KIR3DL3: variants seen among roughly 807,000 people sequenced by gnomAD.
KIR3DL3 encodes the protein killer cell immunoglobulin-like receptor 3DL3.
KIR3DL3 carries 27 observed loss-of-function variants against 34.9 expected under a neutral mutation model. The ratio of observed to expected loss-of-function variants is 0.77; its 90% CI spans 0.57 to 1.07. KIR3DL3 has a LOEUF of 1.07. Ranked by LOEUF, KIR3DL3 falls within the 50% of genes least tolerant of loss-of-function variation. The probability of loss-of-function intolerance (pLI) is 0.00; values close to 1 mark genes in which losing one functional copy is unlikely to be tolerated. For synonymous variants in KIR3DL3, 217 were observed against 200.2 expected, an observed-to-expected ratio of 1.08 and a Z score of -0.71; for missense variants, 681 against 528.5, an observed-to-expected ratio of 1.29 and a Z score of -2.83.
intron 4 of KIR3DL3, 113 bp from the exon 5 acceptor site, chr19:54,729,380 G>C (rs1481662733): frequency 2.5e-6 from 3 of 1,182,576 alleles, no homozygotes; most frequent in African/African-American, 1.5e-5. Flanking sequence ...GAGGGTGAGA[G>C]AGAGAAAGAG....
chr19:54,735,796 T>C, intron 6 of KIR3DL3, 24 bp from the exon 7 acceptor site: 1 of 1,607,348 alleles, frequency 6.2e-7, no homozygotes, highest in Non-Finnish European at 8.5e-7. Flanking sequence ...TCCGAGCTGT[T>C]TTGACGACTT....
intron 1 of KIR3DL3, 51 bp downstream of exon 1, chr19:54,724,581 GCCTGGA>G: frequency 3.6e-6 from 3 of 833,310 alleles, no homozygotes; most frequent in Non-Finnish European, 3.3e-6. Flanking sequence ...GGAGATCTGG[GCCTGGA>G]GTGGAGATCT....
chr19:54,730,830 C>G (rs2068712849), intron 5 of KIR3DL3, among the ~76,000 whole-genome samples: 1 of 152,156 alleles, frequency 6.6e-6, no homozygotes, highest in South Asian at 2.1e-4. Context: ...TCCATTCACC[C>G]ACTGATGGGC....
At position 54,726,436 on chromosome 19, in the gene KIR3DL3, C is replaced by T. The variant is rs545486946; in HGVS notation, c.355+99C>T. 11 of 1,440,554 alleles carry T rather than the reference C, an allele frequency of 7.6e-6. No homozygotes were observed. In the East Asian group the frequency reaches 2.3e-4, roughly 30 times the overall value. 89.2% of individuals were successfully genotyped at this position (1,440,554 alleles called of 1,614,324 possible). A position where few individuals can be genotyped will look rare whatever the true frequency, so the allele number is the denominator to read the frequency against. ...CAGGGTCCAATCATCCAGGCCCCGA[C>T]TGTATTTGGGGTAAAGGGGGATTCA... is the stretch of plus-strand genomic sequence containing the variant. On this transcript the variant is annotated intron_variant, in intron 3 of 7. Transcript: ENST00000291860.
chr19:54,734,832 A>G (rs981389101), intron 5 of KIR3DL3, among the ~76,000 whole-genome samples: 3 of 136,704 alleles, frequency 2.2e-5, no homozygotes, highest in African/African-American at 8.3e-5. Flanking sequence ...ACACGGCAAG[A>G]GAGGGACCAA....
At chr19:54,735,554 G>A (rs11882698) in intron 6 of KIR3DL3, among the ~76,000 whole-genome samples, 197 bp downstream of exon 6, 13,929 of 101,968 alleles carry the variant, frequency 0.14, 1,387 homozygotes, top group Middle Eastern at 0.24. Context: ...ATTCTGAACC[G>A]TATCCTCACA....
Position 54,735,337 on chromosome 19 carries a change from G to C in KIR3DL3, c.1034G>C (p.Arg345Pro). The C allele has an allele frequency of 7.0e-7, 1 of 1,428,074 alleles. No individual in the cohort carries two copies. The highest frequency in any genetic ancestry group is 1.5e-5 in the African/African-American group (1 of 68,798). The allele number at this position is 1,428,074 out of a possible 1,614,324, so 88.5% of individuals were successfully genotyped here. ...ATCCTCCTCTTCTTTCTCCTTCATC[G>C]CTGGTGTGCCAACAAAAAGAGTAAG... ...FAILLFFLLH[R>P]WCANKKNAVV... Residue 345 changes from arginine to proline, a missense_variant, in exon 6 of 8, where the codon CGC (arginine) becomes CCC (proline). Transcript: ENST00000291860.
In KIR3DL3 at chr19:54,729,952, C is replaced by A. The variant is rs2068630568; in HGVS notation, c.949+166C>A. ...GGATGGCAGACAGGGCACCTCCAAA[C>A]CCTCCTGTATGGCCTGCAAGGATGC... On this transcript the variant is annotated intron_variant, in intron 5 of 7. Transcript: ENST00000291860. Among the ~76,000 whole-genome samples the A allele has an allele frequency of 2.7e-5, 4 of 148,616 alleles. No individual in the cohort carries two copies. The South Asian group carries it at 8.8e-4, about 33-fold the overall frequency.
At position 54,735,960 on chromosome 19, in the gene KIR3DL3, C is replaced by G. The variant is rs896058823; in HGVS notation, c.1108-11C>G. The G allele has an allele frequency of 2.5e-6, 4 of 1,612,142 alleles. No individual in the cohort carries two copies. In the Admixed American group the frequency reaches 6.7e-5, roughly 27 times the overall value. On this transcript the variant is annotated splice_polypyrimidine_tract_variant and intron_variant, in intron 7 of 7. Coordinates refer to ENST00000291860, the MANE Select transcript of KIR3DL3 (RefSeq NM_153443.5). Reference sequence around the variant, plus strand: ...AGCACCCTCCCTCACTCAGCATTTCCCTCCCTCCAGGACTCTGATGAACAA... The same window carrying G: ...AGCACCCTCCCTCACTCAGCATTTCGCTCCCTCCAGGACTCTGATGAACAA...
Position 54,735,364 on chromosome 19 carries a change from C to A in KIR3DL3, c.1054+7C>A. On this transcript the variant is annotated splice_region_variant and intron_variant, in intron 6 of 7. Coordinates refer to ENST00000291860, the MANE Select transcript of KIR3DL3 (RefSeq NM_153443.5). Reference sequence around the variant, plus strand: ...TGGTGTGCCAACAAAAAGAGTAAGTCTCACGAAGCAGAAGCCAGAGAGCTC... The same window carrying A: ...TGGTGTGCCAACAAAAAGAGTAAGTATCACGAAGCAGAAGCCAGAGAGCTC... The A allele has an allele frequency of 7.7e-7, 1 of 1,291,372 alleles. No individual in the cohort carries two copies. Among genetic ancestry groups the A allele is most frequent in the Non-Finnish European group, 1.1e-6 (1 of 890,686 alleles). 80.0% of individuals were successfully genotyped at this position (1,291,372 alleles called of 1,614,324 possible). A position where few individuals can be genotyped will look rare whatever the true frequency, so the allele number is the denominator to read the frequency against.
chr19:54,725,328 A>C, intron 2 of KIR3DL3, 46 bp downstream of exon 2: 2 of 1,446,018 alleles, frequency 1.4e-6, no homozygotes, highest in South Asian at 1.5e-5. Flanking sequence ...CCCACATAAG[A>C]TGATGCTCCT....
Position 54,727,652 on chromosome 19 carries a change from C to G in KIR3DL3, c.397C>G (p.Leu133Val). ...KPSLLAHPGP[L>V]VKSGETVILQ... ...TTCCCTCCTGGCCCACCCAGGTCCC[C>G]TGGTGAAATCAGGAGAGACGGTCAT... The change falls in exon 4 of 8, where the codon CTG (leucine) becomes GTG (valine). Residue 133 changes from leucine to valine, a missense_variant. Transcript: ENST00000291860. 6.2e-7 allele frequency: 1 copy of G among 1,611,990 alleles called. No individual in the cohort carries two copies. Among genetic ancestry groups the G allele is most frequent in the Middle Eastern group, 1.7e-4 (1 of 6,022 alleles).
At position 54,726,587 on chromosome 19, in the gene KIR3DL3, G is replaced by A. The variant is rs1412555736; in HGVS notation, c.355+250G>A. ...GACTGAAGAGGAAGATGGAGCTCAG[G>A]TTGTTGATGAGTTGACCTTGCGATG... On this transcript the variant is annotated intron_variant, in intron 3 of 7. Coordinates refer to ENST00000291860, the MANE Select transcript of KIR3DL3 (RefSeq NM_153443.5). 4.8e-5 allele frequency among the ~76,000 whole-genome samples: 7 copies of A among 144,800 alleles called. No individual in the cohort carries two copies. The South Asian group carries it at 1.1e-3, about 24-fold the overall frequency. 95.0% of individuals were successfully genotyped at this position (144,800 alleles called of 152,430 possible). A position where few individuals can be genotyped will look rare whatever the true frequency, so the allele number is the denominator to read the frequency against.
In KIR3DL3 at chr19:54,727,374, A is replaced by C. The variant is rs1176061687; in HGVS notation, c.356-237A>C. ...TGGGAAACAGATACAACAGCCTAAG[A>C]GGTGACACTGAGCACAGTGGGAAGG... On this transcript the variant is annotated intron_variant, in intron 3 of 7. Coordinates refer to ENST00000291860, the MANE Select transcript of KIR3DL3 (RefSeq NM_153443.5). Among the ~76,000 whole-genome samples the C allele has an allele frequency of 9.6e-4, 128 of 133,056 alleles. 8 individuals carry two copies. Among genetic ancestry groups the C allele is most frequent in the African/African-American group, 3.3e-3 (122 of 36,660 alleles). 87.3% of individuals were successfully genotyped at this position (133,056 alleles called of 152,430 possible).
chr19:54,728,239 T>C (rs1255540194), intron 4 of KIR3DL3, among the ~76,000 whole-genome samples: 1 of 149,836 alleles, frequency 6.7e-6, no homozygotes, highest in African/African-American at 2.5e-5. Flanking sequence ...GTTAGAAGGT[T>C]CCATTCTGTT....
At chr19:54,731,957 A>G (rs1294487637) in intron 5 of KIR3DL3, among the ~76,000 whole-genome samples, 2 of 152,208 alleles carry the variant, frequency 1.3e-5, no homozygotes, top group African/African-American at 4.8e-5. Flanking sequence ...TTTTAAGTTC[A>G]GCTGATTAGC....
At chr19:54,729,287 C>A (rs111505776) in intron 4 of KIR3DL3, among the ~76,000 whole-genome samples, 6,658 of 151,706 alleles carry the variant, frequency 0.044, 172 homozygotes, top group African/African-American at 0.07. Flanking sequence ...GAAAACATAG[C>A]TAGGGATGGA....
In KIR3DL3 at chr19:54,729,715, G is replaced by A. The variant is rs1203952800; in HGVS notation, c.878G>A (p.Cys293Tyr). ...GTGACCCACGGAGGGAACTACAGATGCTTCGGCTCTTTCCGTGCCCTGCCC... is the reference window on the plus strand; with the variant it reads ...GTGACCCACGGAGGGAACTACAGATACTTCGGCTCTTTCCGTGCCCTGCCC... ...GPVTHGGNYR[C>Y]FGSFRALPHA... The change falls in exon 5 of 8, where the codon TGC (cysteine) becomes TAC (tyrosine). Residue 293 changes from cysteine to tyrosine, a missense_variant. Coordinates refer to ENST00000291860, the MANE Select transcript of KIR3DL3 (RefSeq NM_153443.5). 11 of 1,596,208 alleles carry A rather than the reference G, an allele frequency of 6.9e-6. No homozygotes were observed. In the African/African-American group the frequency reaches 1.5e-4, roughly 22 times the overall value.
chr19:54,730,943 A>T (rs1296267092), intron 5 of KIR3DL3, among the ~76,000 whole-genome samples: 1 of 152,126 alleles, frequency 6.6e-6, no homozygotes, highest in Non-Finnish European at 1.5e-5. Flanking sequence ...TTGGGTTTAC[A>T]CCCAGTCATG....
Sources: allele counts gnomAD v4.1 joint callset (sites outside exome capture counted in the v4.1 genomes callset), GRCh38; gene constraint gnomAD v4.1.1; transcripts MANE v1.5; gene names NCBI Gene and HGNC (gene_info 2026-07-23, HGNC 2026-07-21).